Variants in TRPM3 observed in about 807,000 individuals in gnomAD.
TRPM3 encodes long transient receptor potential channel 3.
In TRPM3, 77 loss-of-function variants were observed where a neutral mutation model predicts 181.2. That is an observed-to-expected ratio of 0.42 (90% CI 0.35 to 0.51). TRPM3 has a LOEUF of 0.51. TRPM3 is among the 20% of genes least tolerant of loss of function. TRPM3 has a pLI of 0.01. For synonymous variants in TRPM3, 745 were observed against 796.4 expected (o/e 0.94, Z 1.09); for missense variants, 1,759 against 2,196.7 (o/e 0.80, Z 3.98).
chr9:71,277,213 C>T (rs1206813811), intron 1 of TRPM3, among the ~76,000 whole-genome samples: 1 of 152,120 alleles, frequency 6.6e-6, no homozygotes, highest in Non-Finnish European at 1.5e-5. Flanking sequence ...TGAAGGCCTG[C>T]ACAGAAAGGA....
At chr9:71,316,302 A>C (rs1588452980) in intron 1 of TRPM3, among the ~76,000 whole-genome samples, 1 of 152,142 alleles carries the variant, frequency 6.6e-6, no homozygotes, top group East Asian at 1.9e-4. Context: ...CCATTAATTC[A>C]ATCTGTCTCT....
At chr9:70,896,858 A>G (rs942390443) in intron 1 of TRPM3, among the ~76,000 whole-genome samples, 52 of 144,962 alleles carry the variant, frequency 3.6e-4, no homozygotes, top group African/African-American at 1.2e-3. Context: ...GAATTCCTCT[A>G]GTTTACAATC....
At chr9:70,541,097 C>T (rs1167501919) in intron 25 of TRPM3, among the ~76,000 whole-genome samples, 1 of 151,864 alleles carries the variant, frequency 6.6e-6, no homozygotes, top group African/African-American at 2.4e-5. Flanking sequence ...GAGTAGTAGC[C>T]CAAGGAGATG....
chr9:70,795,068 C>T (rs2086653129), intron 6 of TRPM3, among the ~76,000 whole-genome samples: 1 of 152,082 alleles, frequency 6.6e-6, no homozygotes, highest in Non-Finnish European at 1.5e-5. Flanking sequence ...CATAAGTAAT[C>T]TAGGGGTTAT....
upstream of TRPM3, among the ~76,000 whole-genome samples, chr9:71,122,197 C>T (rs2073726197): frequency 6.6e-6 from 1 of 152,204 alleles, no homozygotes; most frequent in Admixed American, 6.5e-5. Context: ...ACATGGGATG[C>T]TGTCTATAAA....
intron 1 of TRPM3, among the ~76,000 whole-genome samples, chr9:71,271,006 C>A (rs2083747122): frequency 6.6e-6 from 1 of 152,258 alleles, no homozygotes; most frequent in South Asian, 2.1e-4. Flanking sequence ...CACAAGAAAC[C>A]TACCCAAATA....
At chr9:70,822,615 TG>T (rs1275265733) in intron 6 of TRPM3, among the ~76,000 whole-genome samples, 2 of 152,168 alleles carry the variant, frequency 1.3e-5, no homozygotes, top group Non-Finnish European at 2.9e-5. Context: ...GAAAACGTTC[TG>T]GAGATGAATG....
At chr9:70,626,585 C>T (rs1027958981) in intron 12 of TRPM3, among the ~76,000 whole-genome samples, 2 of 152,148 alleles carry the variant, frequency 1.3e-5, no homozygotes, top group African/African-American at 4.8e-5. Flanking sequence ...CTTTGTCTCA[C>T]CTACTTCAAT....
chr9:71,263,627 G>C (rs542084540), intron 1 of TRPM3, among the ~76,000 whole-genome samples: 56 of 152,276 alleles, frequency 3.7e-4, no homozygotes, highest in African/African-American at 1.3e-3. Flanking sequence ...ACATGGTTCT[G>C]CATAGAGAAG....
chr9:71,153,380 T>C (rs983129317), intron 1 of TRPM3, among the ~76,000 whole-genome samples: 1 of 150,380 alleles, frequency 6.6e-6, no homozygotes, highest in Admixed American at 6.6e-5. Flanking sequence ...CAACCTAGCC[T>C]CCTGGGTTCA....
intron 1 of TRPM3, among the ~76,000 whole-genome samples, chr9:71,054,549 T>A (rs1471742136): frequency 6.6e-6 from 1 of 152,138 alleles, no homozygotes; most frequent in Non-Finnish European, 1.5e-5. Context: ...TTGTTTTTAC[T>A]TTCATTGTCT....
At chr9:71,385,405 T>G (rs1334509561) in intron 1 of TRPM3, among the ~76,000 whole-genome samples, 2 of 152,210 alleles carry the variant, frequency 1.3e-5, no homozygotes, top group African/African-American at 4.8e-5. Context: ...TATGGAACTT[T>G]TAAACTGGCT....
At chr9:71,300,138 G>T (rs2086642000) in intron 1 of TRPM3, among the ~76,000 whole-genome samples, 1 of 152,090 alleles carries the variant, frequency 6.6e-6, no homozygotes. Flanking sequence ...AAGATAAAAG[G>T]ATGTCTATAA....
chr9:70,937,024 T>C (rs2096835055), intron 1 of TRPM3, among the ~76,000 whole-genome samples: 1 of 152,304 alleles, frequency 6.6e-6, no homozygotes, highest in African/African-American at 2.4e-5. Context: ...TATACTTTTG[T>C]TCAACATTAA....
At chr9:70,930,992 C>T (rs183701289) in intron 1 of TRPM3, among the ~76,000 whole-genome samples, 49 of 152,052 alleles carry the variant, frequency 3.2e-4, no homozygotes, top group Admixed American at 5.2e-4. Flanking sequence ...TTCCAAACTC[C>T]GCATTAGCTA....
chr9:70,656,569 G>T (rs1218383405), intron 9 of TRPM3, among the ~76,000 whole-genome samples: 2 of 152,190 alleles, frequency 1.3e-5, no homozygotes, highest in Admixed American at 1.3e-4. Context: ...CACTGTCTCA[G>T]TTATAATTTT....
chr9:70,759,752 A>G (rs1299427007), intron 8 of TRPM3, among the ~76,000 whole-genome samples: 1 of 152,032 alleles, frequency 6.6e-6, no homozygotes, highest in East Asian at 1.9e-4. Flanking sequence ...AAAATACCAC[A>G]TGTTCTCACT....
chr9:71,432,743 G>T (rs1375361686), intron 1 of TRPM3, among the ~76,000 whole-genome samples: 1 of 152,140 alleles, frequency 6.6e-6, no homozygotes, highest in Non-Finnish European at 1.5e-5. Flanking sequence ...ATGACTTTGT[G>T]ATATGAAGCC....
intron 1 of TRPM3, among the ~76,000 whole-genome samples, chr9:71,095,375 G>A (rs1196462342): frequency 3.8e-5 from 2 of 52,410 alleles, no homozygotes; most frequent in African/African-American, 9.3e-5. Context: ...GTGAGGTGGG[G>A]CACGACGGGA....
Sources: gnomAD v4.1 joint callset for allele counts (sites outside exome capture counted in the v4.1 genomes callset) on GRCh38, gnomAD v4.1.1 for gene constraint, MANE v1.5 for transcripts, NCBI Gene and HGNC (gene_info 2026-07-23, HGNC 2026-07-21) for gene names.